Variants in CORO1C observed in about 807,000 individuals in gnomAD.
The protein encoded by CORO1C is coronin-1C.
A neutral mutation model predicts 51.2 loss-of-function variants in CORO1C; 14 were observed. The observed-to-expected ratio is 0.27, with a 90% CI of 0.18 to 0.43. The LOEUF (loss-of-function observed/expected upper bound fraction) is 0.43. Ranked by LOEUF, CORO1C falls within the 20% of genes least tolerant of loss-of-function variation. The probability of loss-of-function intolerance (pLI) is 1.00; values close to 1 mark genes in which losing one functional copy is unlikely to be tolerated. For synonymous variants in CORO1C, 181 were observed against 210.5 expected (o/e 0.86, Z 1.21); for missense variants, 417 against 607.8 (o/e 0.69, Z 3.30).
intron 1 of CORO1C, among the ~76,000 whole-genome samples, chr12:108,705,773 C>T (rs1275927045): frequency 6.6e-6 from 1 of 152,134 alleles, no homozygotes; most frequent in African/African-American, 2.4e-5. Context: ...GAATTATACA[C>T]CACAATCAAG....
intron 1 of CORO1C, among the ~76,000 whole-genome samples, chr12:108,721,326 T>G (rs1190387500): frequency 6.6e-6 from 1 of 152,206 alleles, no homozygotes; most frequent in Non-Finnish European, 1.5e-5. Flanking sequence ...TTACACCAGT[T>G]CTGAGTCAGC....
chr12:108,715,667 T>TGCAGAACCATATAAAATCGCCTGA (rs11274706), intron 1 of CORO1C, among the ~76,000 whole-genome samples: 75,132 of 123,358 alleles, frequency 0.61, 21,429 homozygotes, highest in East Asian at 0.77. Flanking sequence ...CTCACAACAC[T>TGCAGAACCATATAAAATCGCCTGA]GGCAGCAGCC....
chr12:108,663,190 A>C (rs934629161), intron 3 of CORO1C, among the ~76,000 whole-genome samples: 5 of 152,254 alleles, frequency 3.3e-5, no homozygotes, highest in African/African-American at 1.2e-4. Flanking sequence ...CATGTGAAAA[A>C]ATCAGAGCCT....
In CORO1C at chr12:108,714,172, C is replaced by T. The variant is rs532977356; in HGVS notation, c.-5-12849G>A. ...TTGGGAGGCCGAGGTGGGCGGATCA[C>T]GAAGTCAAGGGATTGAAACCATCCT... On this transcript the variant is annotated intron_variant, in intron 1 of 10. Coordinates refer to ENST00000261401, the MANE Select transcript of CORO1C (RefSeq NM_014325.4). Among the ~76,000 whole-genome samples the T allele has an allele frequency of 3.5e-4, 53 of 151,706 alleles. 1 individual carries two copies. Among genetic ancestry groups the T allele is most frequent in the African/African-American group, 1.3e-3 (52 of 41,338 alleles).
At chr12:108,667,503 T>G (rs945259405) in intron 3 of CORO1C, among the ~76,000 whole-genome samples, 5 of 152,202 alleles carry the variant, frequency 3.3e-5, no homozygotes, top group African/African-American at 9.7e-5. Context: ...TTATTTTATT[T>G]TCTTAATTTA....
At chr12:108,706,648 G>A (rs538801605) in intron 1 of CORO1C, among the ~76,000 whole-genome samples, 99 of 152,078 alleles carry the variant, frequency 6.5e-4, no homozygotes, top group African/African-American at 1.7e-3. Flanking sequence ...AGGGTGGAGC[G>A]CAGTGGTGCA....
intron 3 of CORO1C, among the ~76,000 whole-genome samples, chr12:108,677,312 A>C (rs1172529941): frequency 6.6e-6 from 1 of 152,256 alleles, no homozygotes; most frequent in Non-Finnish European, 1.5e-5. Context: ...ATCATAACTA[A>C]GGACAAGAAA....
chr12:108,671,465 G>GA (rs34822039), intron 3 of CORO1C, among the ~76,000 whole-genome samples: 9,184 of 129,974 alleles, frequency 0.071, 530 homozygotes, highest in East Asian at 0.33. Context: ...AAAGGAACAG[G>GA]AAAAAAAAAA....
chr12:108,649,526 C>T (rs2032543269), intron 8 of CORO1C: 1 of 166,844 alleles, frequency 6.0e-6, no homozygotes, highest in Non-Finnish European at 1.3e-5. Flanking sequence ...CCTAGCAAAC[C>T]ACATCGTACA....
chr12:108,708,924 T>C (rs904463730), intron 1 of CORO1C, among the ~76,000 whole-genome samples: 2 of 151,998 alleles, frequency 1.3e-5, no homozygotes, highest in Non-Finnish European at 2.9e-5. Flanking sequence ...GGCTAATTTT[T>C]TTTTTGGTAG....
At chr12:108,719,802 C>G (rs938828080) in intron 1 of CORO1C, among the ~76,000 whole-genome samples, 7 of 152,342 alleles carry the variant, frequency 4.6e-5, no homozygotes, top group African/African-American at 1.7e-4. Flanking sequence ...ATCCCCTTGA[C>G]AGAAATTATG....
At chr12:108,687,908 T>G (rs2034356127) in intron 2 of CORO1C, among the ~76,000 whole-genome samples, 2 of 150,756 alleles carry the variant, frequency 1.3e-5, no homozygotes, top group African/African-American at 2.4e-5. Flanking sequence ...TTATTAACAA[T>G]GTATCCCCTC....
At chr12:108,691,786 CAGG>C (rs1004253088) in intron 2 of CORO1C, among the ~76,000 whole-genome samples, 1 of 152,114 alleles carries the variant, frequency 6.6e-6, no homozygotes, top group Non-Finnish European at 1.5e-5. Context: ...ACTGCAGCAG[CAGG>C]AGAAGCTGGC....
chr12:108,661,971 C>T, intron 4 of CORO1C, 58 bp downstream of exon 4: 6 of 1,602,866 alleles, frequency 3.7e-6, no homozygotes, highest in South Asian at 1.1e-5. Context: ...TGCTTCCCCC[C>T]ACTCAGAGAG....
chr12:108,667,070 G>A (rs1444575685), intron 3 of CORO1C, among the ~76,000 whole-genome samples: 6 of 149,924 alleles, frequency 4.0e-5, no homozygotes, highest in South Asian at 2.1e-4. Flanking sequence ...TTAGAATAGC[G>A]CGTGGCAAAA....
At position 108,658,312 on chromosome 12, in the gene CORO1C, C is replaced by T. The variant is rs1202810757; in HGVS notation, c.630+426G>A. ...CCACCCACCTCGGCCTCCCAAAGTG[C>T]TGGGATTACAAGTGTGAGCCACCAT... On this transcript the variant is annotated intron_variant, in intron 5 of 10. Transcript: ENST00000261401. The surrounding 1 kb of genome is among the most constrained non-coding windows in gnomAD (Gnocchi z 4.9). Among the ~76,000 whole-genome samples the T allele has an allele frequency of 6.6e-6, 1 of 152,130 alleles. No homozygotes were observed. The highest frequency in any genetic ancestry group is 1.5e-5 in the Non-Finnish European group (1 of 68,024).
chr12:108,691,209 G>A (rs951159955), intron 2 of CORO1C, among the ~76,000 whole-genome samples: 4 of 152,080 alleles, frequency 2.6e-5, no homozygotes, highest in Non-Finnish European at 2.9e-5. Context: ...CCAAGTCACC[G>A]TTCCTCCAAG....
In CORO1C at chr12:108,728,750, T is replaced by C. The variant is rs140759292; in HGVS notation, c.-6+2679A>G. 2.6e-4 allele frequency among the ~76,000 whole-genome samples: 39 copies of C among 152,334 alleles called. 1 individual carries two copies. In the East Asian group the frequency reaches 6.0e-3, roughly 23 times the overall value. Reference sequence around the variant, plus strand: ...CCCAGAGAGATTCTATTACTTAACATTCTAGGTACTAGGTCATACTGAAAT... The same window carrying C: ...CCCAGAGAGATTCTATTACTTAACACTCTAGGTACTAGGTCATACTGAAAT... On this transcript the variant is annotated intron_variant, in intron 1 of 10. Transcript: ENST00000261401.
At chr12:108,669,629 C>T (rs1383340320) in intron 3 of CORO1C, among the ~76,000 whole-genome samples, 1 of 126,616 alleles carries the variant, frequency 7.9e-6, no homozygotes, top group Non-Finnish European at 1.6e-5. Context: ...TCATGAGCTA[C>T]TACCAATAGC....
Sources: gnomAD v4.1 joint callset for allele counts (sites outside exome capture counted in the v4.1 genomes callset) on GRCh38, gnomAD v4.1.1 for gene constraint, Gnocchi (gnomAD v3.1) non-coding constraint, MANE v1.5 for transcripts, NCBI Gene and HGNC (gene_info 2026-07-23, HGNC 2026-07-21) for gene names.